The following ANKRD10 variants were observed in gnomAD, a reference collection of about 807,000 sequenced individuals.
ANKRD10 encodes the protein ankyrin repeat domain 10, also known as ankyrin repeat domain-containing protein 10.
A neutral mutation model predicts 27.0 loss-of-function variants in ANKRD10; 14 were observed. The observed-to-expected ratio is 0.52, with a 90% CI of 0.34 to 0.81. The LOEUF is 0.81. Ranked by LOEUF, ANKRD10 falls within the 40% of genes least tolerant of loss-of-function variation. The pLI is 0.01. For synonymous variants in ANKRD10, 250 were observed against 224.5 expected (o/e 1.11, Z -1.01); for missense variants, 493 against 544.0 (o/e 0.91, Z 0.93).
intron 4 of ANKRD10, among the ~76,000 whole-genome samples, chr13:110,888,918 C>G (rs1488510953): frequency 6.6e-6 from 1 of 152,204 alleles, no homozygotes; most frequent in East Asian, 1.9e-4. Flanking sequence ...GCTGTCACCA[C>G]AGCCTACTTC....
intron 3 of ANKRD10, chr13:110,900,656 G>C: frequency 7.4e-7 from 1 of 1,351,832 alleles, no homozygotes; most frequent in Middle Eastern, 2.1e-4. Context: ...CCCCTTTCTA[G>C]GATTACTTGA....
chr13:110,898,802 C>T (rs1393150819), intron 3 of ANKRD10, among the ~76,000 whole-genome samples: 2 of 137,688 alleles, frequency 1.5e-5, no homozygotes, highest in Admixed American at 1.6e-4. Flanking sequence ...GTTGCCTAGG[C>T]TGGAGTGCAA....
intron 4 of ANKRD10, 170 bp downstream of exon 4, chr13:110,892,858 T>A: frequency 2.1e-6 from 3 of 1,417,248 alleles, no homozygotes; most frequent in Non-Finnish European, 2.8e-6. Flanking sequence ...TTAAGTCCCA[T>A]CTTCGCAGTG....
chr13:110,894,264 C>T lies in ANKRD10; in HGVS notation c.456-1001G>A, dbSNP rs2065159232. The T allele has an allele frequency of 2.8e-6, 3 of 1,073,924 alleles. No individual in the cohort carries two copies. The South Asian group carries it at 3.9e-5, about 14-fold the overall frequency. 66.5% of individuals were successfully genotyped at this position (1,073,924 alleles called of 1,614,324 possible). On this transcript the variant is annotated intron_variant, in intron 3 of 5. Coordinates refer to ENST00000267339, the MANE Select transcript of ANKRD10 (RefSeq NM_017664.4). Reference sequence around the variant, plus strand: ...ATAAACAAACGGGAGAAGTACTTAACAGCAAAGACAGCTTCCATACCTGTT... The same window carrying T: ...ATAAACAAACGGGAGAAGTACTTAATAGCAAAGACAGCTTCCATACCTGTT...
chr13:110,886,136 C>A (rs2064923782), intron 4 of ANKRD10, among the ~76,000 whole-genome samples: 1 of 152,252 alleles, frequency 6.6e-6, no homozygotes, highest in Non-Finnish European at 1.5e-5. Context: ...GGGACATGCA[C>A]CCTGAAGGCA....
chr13:110,900,287 T>A (rs1230876627), intron 3 of ANKRD10, among the ~76,000 whole-genome samples: 1 of 152,204 alleles, frequency 6.6e-6, no homozygotes, highest in Non-Finnish European at 1.5e-5. Flanking sequence ...AGTATAATTT[T>A]TAGAATCCGA....
At chr13:110,883,845 G>A in intron 4 of ANKRD10, 52 bp from the exon 5 acceptor site, 1 of 1,559,512 alleles carries the variant, frequency 6.4e-7, no homozygotes. Flanking sequence ...AACAAGATAA[G>A]TGTTCAGACA....
chr13:110,910,652 C>T lies in ANKRD10; in HGVS notation c.329G>A (p.Trp110Ter). 6.2e-7 allele frequency: 1 copy of T among 1,614,160 alleles called. No homozygotes were observed. Among genetic ancestry groups the T allele is most frequent in the Non-Finnish European group, 8.5e-7 (1 of 1,180,026 alleles). ...AATGTTGGCTCCTGCTTGAATCAGC[C>T]AGACCAGGCACTGAGGATGTCCCCC... ...AFGGHPQCLV[W>*]LIQAGANINK... The change falls in exon 2 of 6, where the codon TGG becomes TAG. Residue 110 changes from tryptophan to a stop codon, truncating the protein, a stop_gained. Transcript: ENST00000267339. LOFTEE classifies it high-confidence loss of function.
At position 110,880,918 on chromosome 13, in the gene ANKRD10, C is replaced by T. The variant is rs181252868; in HGVS notation, c.788-806G>A. On this transcript the variant is annotated intron_variant, in intron 5 of 5. Transcript: ENST00000267339. ...CCAGCAATTAAAATGACCATGGCAG[C>T]CAGGGTTTCATTAGGTTACTTTCAA... 1.6e-4 allele frequency among the ~76,000 whole-genome samples: 25 copies of T among 152,284 alleles called. No homozygotes were observed. The East Asian group carries it at 3.9e-3, about 24-fold the overall frequency.
Position 110,914,878 on chromosome 13 carries a change from C to A in ANKRD10, c.57G>T (p.Leu19=). 1 of 1,545,536 alleles carries A rather than the reference C, an allele frequency of 6.5e-7. No individual in the cohort carries two copies. The highest frequency in any genetic ancestry group is 8.7e-7 in the Non-Finnish European group (1 of 1,148,396). ...GVEAGFSSEE[L]LSLRFPLHRA... ...GGTGCAGCGGGAAACGGAGCGAGAG[C>A]AGCTCCTCGCTGGAGAAGCCCGCCT... Residue 19 remains leucine, a synonymous_variant, in exon 1 of 6, where the codon CTG becomes CTT. Transcript: ENST00000267339.
intron 3 of ANKRD10, chr13:110,895,131 T>C (rs901363779): frequency 3.9e-5 from 6 of 152,220 alleles, no homozygotes; most frequent in African/African-American, 1.4e-4. Context: ...TAGATAAGCA[T>C]AGACTTGCTC....
chr13:110,880,393 T>TACC (rs914939655), intron 5 of ANKRD10, among the ~76,000 whole-genome samples: 1 of 152,018 alleles, frequency 6.6e-6, no homozygotes, highest in African/African-American at 2.4e-5. Context: ...GCATGAAAAA[T>TACC]ACCAACACAG....
At chr13:110,911,776 C>G (rs2065718299) in intron 1 of ANKRD10, 1 of 152,180 alleles carries the variant, frequency 6.6e-6, no homozygotes, top group African/African-American at 2.4e-5. Context: ...AAGACCCTGT[C>G]TCAAAAAAAC....
At chr13:110,907,547 A>G (rs2065571440) in intron 2 of ANKRD10, among the ~76,000 whole-genome samples, 1 of 152,248 alleles carries the variant, frequency 6.6e-6, no homozygotes, top group African/African-American at 2.4e-5. Context: ...TTACAGAAAA[A>G]TAAGAGTATG....
chr13:110,883,742 T>A lies in ANKRD10; in HGVS notation c.743A>T (p.Asp248Val). Reference sequence around the variant, plus strand: ...CCTATCAACGTGCATTTTGTCAGCATCGTCTTCTGTGTCGCCATTCGTGAG... The same window carrying A: ...CCTATCAACGTGCATTTTGTCAGCAACGTCTTCTGTGTCGCCATTCGTGAG... ...VPLTNGDTED[D>V]ADKMHVDREF... The change falls in exon 5 of 6, where the codon GAT (aspartate) becomes GTT (valine). Residue 248 changes from aspartate to valine, a missense_variant. Asp to Val is a radical substitution (Grantham distance 152). Coordinates refer to ENST00000267339, the MANE Select transcript of ANKRD10 (RefSeq NM_017664.4). The A allele has an allele frequency of 6.2e-7, 1 of 1,614,226 alleles. No individual in the cohort carries two copies. Among genetic ancestry groups the A allele is most frequent in the Non-Finnish European group, 8.5e-7 (1 of 1,180,028 alleles).
intron 1 of ANKRD10, among the ~76,000 whole-genome samples, chr13:110,913,530 ATTTCT>A (rs1373091187): frequency 6.6e-6 from 1 of 152,172 alleles, no homozygotes; most frequent in Admixed American, 6.5e-5. Flanking sequence ...ACTCCTTTTC[ATTTCT>A]TTTATTGAAA....
In ANKRD10 at chr13:110,880,540, C is replaced by T. The variant is rs192713474; in HGVS notation, c.788-428G>A. On this transcript the variant is annotated intron_variant, in intron 5 of 5. Transcript: ENST00000267339. Reference sequence around the variant, plus strand: ...GAGGGTTCCAACAGAACACAAACTTCTCTAGTTCTCAAGCGAAAATGGAAA... The same window carrying T: ...GAGGGTTCCAACAGAACACAAACTTTTCTAGTTCTCAAGCGAAAATGGAAA... Among the ~76,000 whole-genome samples the T allele has an allele frequency of 2.0e-5, 3 of 152,230 alleles. No individual in the cohort carries two copies. In the East Asian group the frequency reaches 5.8e-4, roughly 29 times the overall value.
intron 3 of ANKRD10, chr13:110,899,271 C>A (rs1373209242): frequency 6.6e-6 from 1 of 152,178 alleles, no homozygotes; most frequent in South Asian, 2.1e-4. Flanking sequence ...ATTTTGAATG[C>A]AAACTGGTAG....
rs61971342 is a variant in ANKRD10, at chr13:110,883,189, C to T, written c.787+509G>A. On this transcript the variant is annotated intron_variant, in intron 5 of 5. Transcript: ENST00000267339. ...GGTAAAAGATTCCATGCTGGAGTGA[C>T]TGGGCTGAGTCAGAACCACATTTAC... 784 of 152,502 alleles carry T rather than the reference C, an allele frequency of 5.1e-3. 2 individuals are homozygous for T. Among genetic ancestry groups the T allele is most frequent in the Non-Finnish European group, 7.5e-3 (509 of 68,164 alleles). The allele number at this position is 152,502 out of a possible 1,614,324, so 9.4% of individuals were successfully genotyped here. A position where few individuals can be genotyped will look rare whatever the true frequency, so the allele number is the denominator to read the frequency against.
Sources: allele counts gnomAD v4.1 joint callset (sites outside exome capture counted in the v4.1 genomes callset), GRCh38; gene constraint gnomAD v4.1.1; transcripts MANE v1.5; gene names NCBI Gene and HGNC (gene_info 2026-07-23, HGNC 2026-07-21).